DMD: variants seen among roughly 807,000 people sequenced by gnomAD.
DMD encodes the protein dystrophin, also known as mutant dystrophin.
In DMD, 63 loss-of-function variants were observed where a neutral mutation model predicts 330.1. The ratio of observed to expected loss-of-function variants is 0.19; its 90% confidence interval spans 0.16 to 0.24. The LOEUF is 0.24. DMD is among the 10% of genes least tolerant of loss of function. The pLI is 1.00. For synonymous variants in DMD, 1,223 were observed against 959.8 expected (o/e 1.27, Z -5.07); for missense variants, 3,344 against 2,684.1 (o/e 1.25, Z -5.43).
At chrX:32,355,398 C>T (rs1469899192) in intron 37 of DMD, among the ~76,000 whole-genome samples, 1 of 111,213 alleles carries the variant, frequency 9.0e-6, no homozygotes, top group Non-Finnish European at 1.9e-5. Flanking sequence ...TGGTCCAAAG[C>T]AAAATTGCTT....
intron 43 of DMD, among the ~76,000 whole-genome samples, chrX:32,269,975 A>T (rs2097359477): frequency 8.9e-6 from 1 of 112,201 alleles, no homozygotes; most frequent in Admixed American, 9.5e-5. Flanking sequence ...AAAGCTACTT[A>T]TTTACCACAG....
At chrX:32,868,797 G>C (rs1007957791) in intron 2 of DMD, among the ~76,000 whole-genome samples, 2 of 112,429 alleles carry the variant, frequency 1.8e-5, no homozygotes, top group Non-Finnish European at 3.8e-5. Flanking sequence ...GGTCTCCGCA[G>C]ATCAGCGGAC....
chrX:32,754,032 G>A (rs1358032235), intron 7 of DMD, among the ~76,000 whole-genome samples: 1 of 110,949 alleles, frequency 9.0e-6, no homozygotes, highest in South Asian at 3.8e-4. Context: ...CTGCAAAATT[G>A]AAAATTACCC....
rs192150510 is a variant in DMD, at chrX:32,185,542, T to C, written c.6438+31374A>G. Reference sequence around the variant, plus strand: ...ATTATCCATATAGTCTTTCAAAAAATATATAATAAGTGCCTATCATGAGCA... The same window carrying C: ...ATTATCCATATAGTCTTTCAAAAAACATATAATAAGTGCCTATCATGAGCA... On this transcript the variant is annotated intron_variant, in intron 44 of 78. Coordinates refer to ENST00000357033, the MANE Select transcript of DMD (RefSeq NM_004006.3). Among the ~76,000 whole-genome samples the C allele has an allele frequency of 1.3e-4, 14 of 111,494 alleles. No homozygotes were observed. In the East Asian group the frequency reaches 3.7e-3, roughly 29 times the overall value.
chrX:33,244,945 A>G (rs1483626814), intron 1 of DMD, among the ~76,000 whole-genome samples: 1 of 112,079 alleles, frequency 8.9e-6, no homozygotes, highest in Non-Finnish European at 1.9e-5. Flanking sequence ...TGTGAGTTAA[A>G]TAACTTTTCT....
At chrX:32,408,677 C>T (rs1339288059) in intron 30 of DMD, among the ~76,000 whole-genome samples, 1 of 111,685 alleles carries the variant, frequency 9.0e-6, no homozygotes, top group Admixed American at 9.5e-5. Flanking sequence ...TAACTTCATA[C>T]ATTTTTTCCT....
In DMD at chrX:33,208,967, A is replaced by C. The variant is rs536079646; in HGVS notation, c.31+2315T>G. The stretch of plus-strand genomic sequence containing the variant: ...TTTTATTAAACTACACAAGTGGTTA[A>C]AAACTTGACAATTTGTTTCATATGT... On this transcript the variant is annotated intron_variant, in intron 1 of 78. Transcript: ENST00000357033. 1.2e-4 allele frequency among the ~76,000 whole-genome samples: 13 copies of C among 111,329 alleles called. No homozygotes were observed. The South Asian group carries it at 4.9e-3, about 42-fold the overall frequency.
intron 60 of DMD, among the ~76,000 whole-genome samples, chrX:31,397,483 G>A (rs1002454941): frequency 5.3e-5 from 6 of 112,282 alleles, no homozygotes; most frequent in Non-Finnish European, 1.1e-4. Flanking sequence ...CGACAAGGAA[G>A]CCTCACTTGT....
At chrX:32,231,779 T>C (rs1358585460) in intron 43 of DMD, among the ~76,000 whole-genome samples, 1 of 111,771 alleles carries the variant, frequency 8.9e-6, no homozygotes, top group Non-Finnish European at 1.9e-5. Context: ...TTAGTGAACA[T>C]ATCAAGCTAT....
intron 44 of DMD, among the ~76,000 whole-genome samples, chrX:31,979,867 T>A (rs1193734630): frequency 1.8e-5 from 2 of 112,479 alleles, no homozygotes; most frequent in East Asian, 5.6e-4. Context: ...ATGATACTAT[T>A]TTCACCCAAT....
At chrX:32,109,259 T>C (rs2096578480) in intron 44 of DMD, among the ~76,000 whole-genome samples, 1 of 111,171 alleles carries the variant, frequency 9.0e-6, no homozygotes, top group Admixed American at 9.6e-5. Context: ...TTTTTGCATT[T>C]AGAGACTCTA....
At chrX:33,022,436 T>C (rs947178705) in intron 1 of DMD, among the ~76,000 whole-genome samples, 2 of 110,942 alleles carry the variant, frequency 1.8e-5, no homozygotes, top group Non-Finnish European at 3.8e-5. Context: ...CATATAAACA[T>C]CTTTGCTAGT....
chrX:31,232,220 CA>C (rs1355687999), intron 63 of DMD, among the ~76,000 whole-genome samples: 2 of 109,645 alleles, frequency 1.8e-5, no homozygotes, highest in Non-Finnish European at 3.8e-5. Context: ...GACAGGTAGG[CA>C]GGGGGAGGCC....
intron 55 of DMD, among the ~76,000 whole-genome samples, chrX:31,511,056 G>A (rs776532818): frequency 1.8e-5 from 2 of 110,722 alleles, no homozygotes; most frequent in East Asian, 2.8e-4. Context: ...CAGGCTGGTA[G>A]GAAATCTTTC....
intron 2 of DMD, among the ~76,000 whole-genome samples, chrX:32,904,203 A>G (rs938358815): frequency 8.9e-6 from 1 of 112,214 alleles, no homozygotes; most frequent in African/African-American, 3.2e-5. Flanking sequence ...CTTAAAATAT[A>G]AAATATATAG....
At chrX:31,994,740 A>C (rs1422675179) in intron 44 of DMD, among the ~76,000 whole-genome samples, 1 of 111,881 alleles carries the variant, frequency 8.9e-6, no homozygotes, top group African/African-American at 3.2e-5. Flanking sequence ...TTTTATTCCA[A>C]GTTATACAGG....
intron 44 of DMD, among the ~76,000 whole-genome samples, chrX:32,123,953 A>G (rs1286455452): frequency 1.8e-5 from 2 of 112,273 alleles, no homozygotes; most frequent in East Asian, 5.6e-4. Context: ...TGAATTAAAC[A>G]TCTGTCTTTT....
chrX:32,542,530 G>T (rs180913710), intron 17 of DMD, among the ~76,000 whole-genome samples: 67 of 112,140 alleles, frequency 6.0e-4, no homozygotes, highest in Non-Finnish European at 8.3e-4. Flanking sequence ...AGAGTCGTGG[G>T]TGACAACTGG....
intron 1 of DMD, among the ~76,000 whole-genome samples, chrX:33,190,947 A>T (rs1208880837): frequency 7.1e-4 from 1 of 1,399 alleles, no homozygotes; most frequent in Non-Finnish European, 1.3e-3. Flanking sequence ...TATATAATAT[A>T]TAATATTATA....
Sources: gnomAD v4.1 joint callset for allele counts (sites outside exome capture counted in the v4.1 genomes callset) on GRCh38, gnomAD v4.1.1 for gene constraint, MANE v1.5 for transcripts, NCBI Gene and HGNC (gene_info 2026-07-23, HGNC 2026-07-21) for gene names.